SLF1: variants seen among roughly 807,000 people sequenced by gnomAD.
The protein encoded by SLF1 is SMC5/6 complex localization factor 1.
In SLF1, 105 loss-of-function variants were observed where a neutral mutation model predicts 123.0. The ratio of observed to expected loss-of-function variants is 0.85; its 90% CI spans 0.73 to 1.00. The LOEUF is 1.00. Among genes scored for constraint, SLF1 ranks in the 50% least tolerant of loss-of-function variants. The pLI is 0.00. For missense variants in SLF1, 1,239 were observed against 1,223.0 expected, an observed-to-expected ratio of 1.01 and a Z score of -0.20; for synonymous variants, 434 against 406.6, an observed-to-expected ratio of 1.07 and a Z score of -0.81.
intron 4 of SLF1, among the ~76,000 whole-genome samples, chr5:94,641,894 C>G (rs1160658535): frequency 2.6e-5 from 4 of 152,196 alleles, no homozygotes; most frequent in Non-Finnish European, 4.4e-5. Context: ...GGCCTCTCCC[C>G]CAGTATTAGA....
intron 10 of SLF1, 33 bp downstream of exon 10, chr5:94,662,384 G>C (rs998562709): frequency 6.7e-7 from 1 of 1,491,384 alleles, no homozygotes; most frequent in Non-Finnish European, 9.0e-7. Flanking sequence ...GGTGATGGGG[G>C]CAAAGAAGAA....
At chr5:94,653,832 G>T (rs1748049920) in intron 8 of SLF1, among the ~76,000 whole-genome samples, 1 of 149,374 alleles carries the variant, frequency 6.7e-6, no homozygotes, top group Non-Finnish European at 1.5e-5. Flanking sequence ...TGCTTCTTGG[G>T]TAAATTTTTT....
At chr5:94,647,742 A>G (rs945581028) in intron 5 of SLF1, among the ~76,000 whole-genome samples, 1 of 140,908 alleles carries the variant, frequency 7.1e-6, no homozygotes, top group African/African-American at 2.7e-5. Flanking sequence ...CACCAATTAG[A>G]CAAAGTATTA....
Position 94,696,124 on chromosome 5 carries a change from T to C in SLF1, c.*812T>C, listed in dbSNP as rs553848499. The C allele has an allele frequency of 2.0e-5, 3 of 151,942 alleles. No individual in the cohort carries two copies. In the East Asian group the frequency reaches 5.8e-4, roughly 29 times the overall value. The allele number at this position is 151,942 out of a possible 1,614,324, so 9.4% of individuals were successfully genotyped here. ...ATAGTATGAATTTACTGAGTAGTAA[T>C]GTTTTAATTTGCAGTTTTTCCTTAT... On this transcript the variant is annotated 3_prime_UTR_variant, in exon 21 of 21. Coordinates refer to ENST00000265140, the MANE Select transcript of SLF1 (RefSeq NM_032290.4).
intron 15 of SLF1, among the ~76,000 whole-genome samples, chr5:94,685,064 C>A (rs1005965286): frequency 6.6e-6 from 1 of 152,178 alleles, no homozygotes; most frequent in Non-Finnish European, 1.5e-5. Context: ...GAGAGCAAAT[C>A]CTCTTTTACT....
chr5:94,653,627 G>T (rs1280822808), intron 8 of SLF1, among the ~76,000 whole-genome samples: 1 of 152,112 alleles, frequency 6.6e-6, no homozygotes, highest in African/African-American at 2.4e-5. Context: ...AATAATCAAG[G>T]TATTCAGTGA....
chr5:94,664,203 T>A (rs1172869771), intron 11 of SLF1, among the ~76,000 whole-genome samples: 1 of 152,210 alleles, frequency 6.6e-6, no homozygotes, highest in Non-Finnish European at 1.5e-5. Flanking sequence ...AAAATTCAGA[T>A]TATGGTGATC....
chr5:94,656,868 T>A (rs905110869), intron 9 of SLF1, among the ~76,000 whole-genome samples: 1 of 151,476 alleles, frequency 6.6e-6, no homozygotes, highest in Non-Finnish European at 1.5e-5. Flanking sequence ...TTTTTCTTTT[T>A]TGTCTTTGTT....
chr5:94,695,376 A>T lies in SLF1; in HGVS notation c.*64A>T. 3.4e-6 allele frequency: 5 copies of T among 1,470,996 alleles called. No individual in the cohort carries two copies. The highest frequency in any genetic ancestry group is 4.5e-6 in the Non-Finnish European group (5 of 1,105,852). 91.1% of individuals were successfully genotyped at this position (1,470,996 alleles called of 1,614,324 possible). ...CAGTTTGCATTGGTACTTACTGTGGACTTCATAGCTTACTGACAGATAGTA... is the reference window on the plus strand; with the variant it reads ...CAGTTTGCATTGGTACTTACTGTGGTCTTCATAGCTTACTGACAGATAGTA... On this transcript the variant is annotated 3_prime_UTR_variant, in exon 21 of 21. Transcript: ENST00000265140.
chr5:94,630,377 A>G (rs2152466951), intron 3 of SLF1, 126 bp from the exon 4 acceptor site: 7 of 1,145,772 alleles, frequency 6.1e-6, no homozygotes, highest in Non-Finnish European at 8.4e-6. Context: ...TAGTTCAAAG[A>G]TAATGTTAGC....
chr5:94,689,390 G>A, intron 17 of SLF1, 83 bp from the exon 18 acceptor site: 1 of 1,391,006 alleles, frequency 7.2e-7, no homozygotes. Flanking sequence ...AAGGGGGCTA[G>A]ACTTTTAAAA....
intron 14 of SLF1, among the ~76,000 whole-genome samples, chr5:94,672,232 AG>A (rs1750547870): frequency 1.3e-5 from 2 of 152,048 alleles, no homozygotes; most frequent in Non-Finnish European, 2.9e-5. Flanking sequence ...TATCTTTTTC[AG>A]GGATCGTAAG....
chr5:94,673,712 A>G (rs1561463639), intron 14 of SLF1, among the ~76,000 whole-genome samples: 3 of 150,984 alleles, frequency 2.0e-5, no homozygotes, highest in Admixed American at 1.3e-4. Context: ...AAAAAAAAAA[A>G]AAATTCATCT....
chr5:94,692,068 A>C lies in SLF1; in HGVS notation c.2513-6A>C. 1 of 1,612,800 alleles carries C rather than the reference A, an allele frequency of 6.2e-7. No individual in the cohort carries two copies. The highest frequency in any genetic ancestry group is 1.7e-5 in the Admixed American group (1 of 59,892). ...GTTTTAAAACTTGCCTTGATTTCTA[A>C]TTTAGACAATGCTGGCTGGACGCCT... On this transcript the variant is annotated splice_polypyrimidine_tract_variant and splice_region_variant and intron_variant, in intron 19 of 20. Coordinates refer to ENST00000265140, the MANE Select transcript of SLF1 (RefSeq NM_032290.4).
chr5:94,660,037 C>A (rs189536413), intron 9 of SLF1, among the ~76,000 whole-genome samples: 2 of 152,116 alleles, frequency 1.3e-5, no homozygotes, highest in African/African-American at 2.4e-5. Flanking sequence ...CTTTGATCCC[C>A]CTAGTTGTTT....
At chr5:94,658,610 A>G (rs1188147981) in intron 9 of SLF1, among the ~76,000 whole-genome samples, 1 of 151,848 alleles carries the variant, frequency 6.6e-6, no homozygotes, top group African/African-American at 2.4e-5. Flanking sequence ...TTTGTCTTTG[A>G]CTTTTGATAG....
rs986114598 is a variant in SLF1 at position 94,624,638 on chromosome 5, A to G, written c.1-4173A>G. Among the ~76,000 whole-genome samples the G allele has an allele frequency of 2.0e-5, 3 of 152,304 alleles. 1 individual carries two copies. In the South Asian group the frequency reaches 6.2e-4, roughly 32 times the overall value. The stretch of plus-strand genomic sequence containing the variant: ...TTTAATTCTGAGGAAGCAGAATAAT[A>G]AAATTTAAAGGACAAGCTTTAAATG... On this transcript the variant is annotated intron_variant, in intron 1 of 20. Coordinates refer to ENST00000265140, the MANE Select transcript of SLF1 (RefSeq NM_032290.4).
chr5:94,637,010 A>G (rs1014232233), intron 4 of SLF1, among the ~76,000 whole-genome samples: 1 of 152,120 alleles, frequency 6.6e-6, no homozygotes, highest in Non-Finnish European at 1.5e-5. Context: ...ATGGGCCACT[A>G]TGCCTGGCCT....
At chr5:94,627,348 TGAGA>T (rs979013343) in intron 1 of SLF1, among the ~76,000 whole-genome samples, 1 of 151,948 alleles carries the variant, frequency 6.6e-6, no homozygotes, top group Admixed American at 6.6e-5. Context: ...GTGGAAAGAT[TGAGA>T]TTTTTCTCTA....
Sources: allele counts gnomAD v4.1 joint callset (sites outside exome capture counted in the v4.1 genomes callset), GRCh38; gene constraint gnomAD v4.1.1; transcripts MANE v1.5; gene names NCBI Gene and HGNC (gene_info 2026-07-23, HGNC 2026-07-21).